Variants in SH3TC2 observed in about 807,000 individuals in gnomAD.
The protein encoded by SH3TC2 is SH3 domain and tetratricopeptide repeat-containing protein 2.
SH3TC2 carries 87 observed loss-of-function variants against 124.5 expected under a neutral mutation model. The observed-to-expected ratio is 0.70, with a 90% CI of 0.59 to 0.84. SH3TC2 has a LOEUF of 0.84. Among genes scored for constraint, SH3TC2 ranks in the 40% least tolerant of loss-of-function variants. The pLI, the probability that SH3TC2 is intolerant of heterozygous loss-of-function variation, is 0.00. For missense variants in SH3TC2, 1,536 were observed against 1,566.4 expected (o/e 0.98, Z 0.33); for synonymous variants, 634 against 628.5 (o/e 1.01, Z -0.13).
rs1260750955 is a variant in SH3TC2, at chr5:148,999,451, CTGAG to C, written c.*5256_*5259del. ...ACATTGCCCCCACCTGAGCTGCCAC[CTGAG>C]TGAGTGCAGAGCCCATTCCCTTGAA... On this transcript the variant is annotated 3_prime_UTR_variant, in exon 17 of 17. Coordinates refer to ENST00000515425, the MANE Select transcript of SH3TC2 (RefSeq NM_024577.4). Among the ~76,000 whole-genome samples the C allele has an allele frequency of 6.6e-6, 1 of 152,198 alleles. No individual in the cohort carries two copies. The highest frequency in any genetic ancestry group is 1.5e-5 in the Non-Finnish European group (1 of 68,042).
chr5:149,022,811 C>T (rs137915877), intron 12 of SH3TC2, among the ~76,000 whole-genome samples: 1 of 152,180 alleles, frequency 6.6e-6, no homozygotes, highest in East Asian at 1.9e-4. Flanking sequence ...CTGTATGATA[C>T]CATTTATATC....
rs1753307002 is a variant in SH3TC2, at chr5:148,984,735, T to C, written c.*19976A>G. Among the ~76,000 whole-genome samples the C allele has an allele frequency of 6.6e-6, 1 of 152,192 alleles. No homozygotes were observed. The highest frequency in any genetic ancestry group is 1.5e-5 in the Non-Finnish European group (1 of 68,026). On this transcript the variant is annotated 3_prime_UTR_variant, in exon 17 of 17. Transcript: ENST00000515425. ...GGGTATTCCAACCCTCAAAGAGCTGTGCTTGGTGCTGTAAACAAATTTGTT... is the reference window on the plus strand; with the variant it reads ...GGGTATTCCAACCCTCAAAGAGCTGCGCTTGGTGCTGTAAACAAATTTGTT...
Position 149,040,600 on chromosome 5 carries a change from A to G in SH3TC2, c.805+4T>C. 1 of 1,613,538 alleles carries G rather than the reference A, an allele frequency of 6.2e-7. No individual in the cohort carries two copies. The highest frequency in any genetic ancestry group is 2.2e-5 in the East Asian group (1 of 44,888). ...ACAATACTATGTTTTTGACTCAGCC[A>G]TACCAATCTGATAGGAGCCTGTCCA... On this transcript the variant is annotated splice_donor_region_variant and intron_variant, in intron 7 of 16. Coordinates refer to ENST00000515425, the MANE Select transcript of SH3TC2 (RefSeq NM_024577.4).
At position 149,002,138 on chromosome 5, in the gene SH3TC2, G is replaced by A. The variant is rs541528772; in HGVS notation, c.*2573C>T. 2.6e-5 allele frequency: 4 copies of A among 152,852 alleles called. No individual in the cohort carries two copies. In the East Asian group the frequency reaches 7.7e-4, roughly 29 times the overall value. The allele number at this position is 152,852 out of a possible 1,614,324, so 9.5% of individuals were successfully genotyped here. A position where few individuals can be genotyped will look rare whatever the true frequency, so the allele number is the denominator to read the frequency against. ...AGAAACAGAAACAAATCTGGCCAGA[G>A]GAGAGTGAGTGGTCAGTGGGAAAAG... On this transcript the variant is annotated 3_prime_UTR_variant, in exon 17 of 17. Transcript: ENST00000515425.
chr5:149,013,253 G>C (rs1000720858), intron 12 of SH3TC2, among the ~76,000 whole-genome samples: 9 of 152,026 alleles, frequency 5.9e-5, no homozygotes, highest in Admixed American at 6.6e-5. Context: ...GAATCATGGG[G>C]CCGTTACCCC....
chr5:149,029,821 G>A (rs1319959867), intron 9 of SH3TC2, among the ~76,000 whole-genome samples: 3 of 151,718 alleles, frequency 2.0e-5, no homozygotes, highest in Non-Finnish European at 2.9e-5. Context: ...GAACTGTGGA[G>A]GTGAAGGCTA....
rs1005101884 is a variant in SH3TC2, at chr5:149,001,603, T to C, written c.*3108A>G. The C allele has an allele frequency of 1.3e-5, 2 of 152,242 alleles. No individual in the cohort carries two copies. The highest frequency in any genetic ancestry group is 2.9e-5 in the Non-Finnish European group (2 of 68,038). The allele number at this position is 152,242 out of a possible 1,614,324, so 9.4% of individuals were successfully genotyped here. A position where few individuals can be genotyped will look rare whatever the true frequency, so the allele number is the denominator to read the frequency against. On this transcript the variant is annotated 3_prime_UTR_variant, in exon 17 of 17. Coordinates refer to ENST00000515425, the MANE Select transcript of SH3TC2 (RefSeq NM_024577.4). ...GCCCACATTTCAAAAATGAAAATTT[T>C]AAACACTTTTTAAAAGAGTTTTAGC...
chr5:149,045,156 G>A (rs2127401612), intron 3 of SH3TC2: 1 of 153,050 alleles, frequency 6.5e-6, no homozygotes, highest in South Asian at 2.0e-4. Flanking sequence ...GATCATCAGT[G>A]TTAACATCTT....
chr5:149,038,379 T>C lies in SH3TC2; in HGVS notation c.917A>G (p.Gln306Arg). The change falls in exon 8 of 17, where the codon CAG (glutamine) becomes CGG (arginine). Residue 306 changes from glutamine to arginine, a missense_variant. By Grantham distance (43) the Gln-to-Arg change is conservative. Around this residue, in one of 3 missense-constraint regions of SH3TC2, gnomAD observed 1,102 missense variants for 1,098.6 expected, o/e 1.00. Transcript: ENST00000515425. ...ACTTGTCGACTTTCCAATGAACCACTGAAGCCCAGGTATGACAAAGCCGAT... is the reference window on the plus strand; with the variant it reads ...ACTTGTCGACTTTCCAATGAACCACCGAAGCCCAGGTATGACAAAGCCGAT... Reference protein sequence around the residue: ...EIIGFVIPGLQWFIGKSTSSG... With the variant: ...EIIGFVIPGLRWFIGKSTSSG... The C allele has an allele frequency of 6.2e-7, 1 of 1,614,228 alleles. No homozygotes were observed. The highest frequency in any genetic ancestry group is 8.5e-7 in the Non-Finnish European group (1 of 1,180,038).
In SH3TC2 at chr5:149,001,214, C is replaced by A. The variant is rs1753591981; in HGVS notation, c.*3497G>T. ...TATATACACATGCACAATATAAAGGCATCTTAAAATAATGGAAAAGCAAAT... is the reference window on the plus strand; with the variant it reads ...TATATACACATGCACAATATAAAGGAATCTTAAAATAATGGAAAAGCAAAT... On this transcript the variant is annotated 3_prime_UTR_variant, in exon 17 of 17. Coordinates refer to ENST00000515425, the MANE Select transcript of SH3TC2 (RefSeq NM_024577.4). 1 of 152,060 alleles carries A rather than the reference C, an allele frequency of 6.6e-6. No individual in the cohort carries two copies. Among genetic ancestry groups the A allele is most frequent in the Non-Finnish European group, 1.5e-5 (1 of 68,008 alleles). The allele number at this position is 152,060 out of a possible 1,614,324, so 9.4% of individuals were successfully genotyped here. A position where few individuals can be genotyped will look rare whatever the true frequency, so the allele number is the denominator to read the frequency against.
rs754261079 is a variant in SH3TC2, at chr5:149,008,994, G to A, written c.3335C>T (p.Ala1112Val). The part of the protein sequence containing the change: ...HHAVEYYRAG[A>V]VPLARRLKAV... Reference sequence around the variant, plus strand: ...CTTCAACCTCCTTGCTAAAGGAACAGCTCCAGCCTAGGAACAGAAGCCCAA... The same window carrying A: ...CTTCAACCTCCTTGCTAAAGGAACAACTCCAGCCTAGGAACAGAAGCCCAA... Residue 1112 changes from alanine (A) to valine (V), a missense_variant, in exon 15 of 17, where the codon GCT becomes GTT. Around this residue, in one of 3 missense-constraint regions of SH3TC2, gnomAD observed 426 missense variants for 443.5 expected, o/e 0.96. Coordinates refer to ENST00000515425, the MANE Select transcript of SH3TC2 (RefSeq NM_024577.4). 1.9e-6 allele frequency: 3 copies of A among 1,614,078 alleles called. No homozygotes were observed. The highest frequency in any genetic ancestry group is 1.3e-5 in the African/African-American group (1 of 74,926).
At chr5:149,026,792 T>C (rs757885878) in intron 11 of SH3TC2, 40 bp from the exon 12 acceptor site, 3 of 1,614,104 alleles carry the variant, frequency 1.9e-6, no homozygotes, top group South Asian at 2.2e-5. Context: ...TGACTTGAGA[T>C]AGGAAATGGA....
intron 12 of SH3TC2, among the ~76,000 whole-genome samples, chr5:149,020,171 A>G (rs537488273): frequency 6.7e-6 from 1 of 149,376 alleles, no homozygotes; most frequent in East Asian, 1.9e-4. Flanking sequence ...TGAGATGTCC[A>G]TAAAAAGTTT....
intron 1 of SH3TC2, among the ~76,000 whole-genome samples, chr5:149,057,313 G>A (rs530909572): frequency 1.3e-5 from 2 of 152,092 alleles, no homozygotes; most frequent in East Asian, 1.9e-4. Flanking sequence ...GCTTTCATTG[G>A]GAACATTTCC....
In SH3TC2 at chr5:148,984,351, A is replaced by G. The variant is rs1753299716; in HGVS notation, c.*20360T>C. On this transcript the variant is annotated 3_prime_UTR_variant, in exon 17 of 17. Transcript: ENST00000515425. ...GAATTTTTCAGTTTATTCATTATAC[A>G]TTATAAATATATACAATTATTATTT... Among the ~76,000 whole-genome samples the G allele has an allele frequency of 6.6e-6, 1 of 152,036 alleles. No homozygotes were observed. The highest frequency in any genetic ancestry group is 2.1e-4 in the South Asian group (1 of 4,820).
At position 148,991,734 on chromosome 5, in the gene SH3TC2, C is replaced by T. The variant is rs375496558; in HGVS notation, c.*12977G>A. Among the ~76,000 whole-genome samples the T allele has an allele frequency of 6.6e-6, 1 of 152,292 alleles. No homozygotes were observed. The highest frequency in any genetic ancestry group is 1.9e-4 in the East Asian group (1 of 5,184). ...TAGAATGAGAGGCTCTTGCAAACTG[C>T]TTTTGTAGAAATTATACTCACTGGT... On this transcript the variant is annotated 3_prime_UTR_variant, in exon 17 of 17. Coordinates refer to ENST00000515425, the MANE Select transcript of SH3TC2 (RefSeq NM_024577.4).
At chr5:149,022,752 T>C (rs890558554) in intron 12 of SH3TC2, among the ~76,000 whole-genome samples, 15 of 152,344 alleles carry the variant, frequency 9.8e-5, no homozygotes, top group African/African-American at 3.6e-4. Context: ...TGGATGAACC[T>C]TGAAAACACT....
At position 148,988,009 on chromosome 5, in the gene SH3TC2, C is replaced by T. The variant is rs535243744; in HGVS notation, c.*16702G>A. On this transcript the variant is annotated 3_prime_UTR_variant, in exon 17 of 17. Coordinates refer to ENST00000515425, the MANE Select transcript of SH3TC2 (RefSeq NM_024577.4). ...TGCCGAGAATGCTGTTGCACCTCCT[C>T]TGGCCAAGGACAGAGAGTCATATCA... Among the ~76,000 whole-genome samples, 1 of 152,168 alleles carries T rather than the reference C, an allele frequency of 6.6e-6. No homozygotes were observed. Among genetic ancestry groups the T allele is most frequent in the African/African-American group, 2.4e-5 (1 of 41,426 alleles).
intron 1 of SH3TC2, among the ~76,000 whole-genome samples, chr5:149,055,958 T>A (rs1177944188): frequency 1.3e-5 from 2 of 152,088 alleles, no homozygotes; most frequent in African/African-American, 4.8e-5. Context: ...ACAATGAGAA[T>A]GAATGAATTG....
Sources: allele counts gnomAD v4.1 joint callset (sites outside exome capture counted in the v4.1 genomes callset), GRCh38; gene constraint gnomAD v4.1.1; regional missense constraint gnomAD v4.1.1; transcripts MANE v1.5; gene names NCBI Gene and HGNC (gene_info 2026-07-23, HGNC 2026-07-21).